DLGAP2: variants seen among roughly 807,000 people sequenced by gnomAD.
The protein encoded by DLGAP2 is disks large-associated protein 2.
Under a neutral mutation model 100.3 loss-of-function variants are expected in DLGAP2, and 26 were observed. The ratio of observed to expected loss-of-function variants is 0.26; its 90% CI spans 0.19 to 0.36. DLGAP2 has a LOEUF of 0.36. DLGAP2 is among the 10% of genes least tolerant of loss of function. DLGAP2 has a pLI of 1.00. For synonymous variants in DLGAP2, 886 were observed against 630.1 expected (o/e 1.41, Z -6.08); for missense variants, 1,858 against 1,453.2 (o/e 1.28, Z -4.53).
At chr8:1,255,226 G>C (rs1359819196) in intron 2 of DLGAP2, among the ~76,000 whole-genome samples, 1 of 81,028 alleles carries the variant, frequency 1.2e-5, no homozygotes, top group African/African-American at 7.7e-5. Flanking sequence ...TCCTGCCTGG[G>C]TGCTGTGTGT....
At position 1,485,260 on chromosome 8, in the gene DLGAP2, C is replaced by G. The variant is rs560637587; in HGVS notation, c.107-16106C>G. On this transcript the variant is annotated intron_variant, in intron 3 of 14. Transcript: ENST00000637795. ...TATAATTTTGATTAGGTTGATTAGCCAGACCCACTCTACGCTGTAAAATGC... is the reference window on the plus strand; with the variant it reads ...TATAATTTTGATTAGGTTGATTAGCGAGACCCACTCTACGCTGTAAAATGC... Among the ~76,000 whole-genome samples the G allele has an allele frequency of 2.6e-5, 4 of 152,274 alleles. No individual in the cohort carries two copies. In the East Asian group the frequency reaches 7.7e-4, roughly 29 times the overall value.
chr8:868,321 G>A (rs1163005091), intron 1 of DLGAP2, among the ~76,000 whole-genome samples: 1 of 152,172 alleles, frequency 6.6e-6, no homozygotes, highest in Non-Finnish European at 1.5e-5. Context: ...TGTTGATCCT[G>A]TTCTTGTATC....
chr8:999,399 T>C (rs1800876948), intron 2 of DLGAP2, among the ~76,000 whole-genome samples: 1 of 152,076 alleles, frequency 6.6e-6, no homozygotes, highest in Admixed American at 6.6e-5. Flanking sequence ...ATCTTCTATG[T>C]CAAGAATTTT....
chr8:1,131,605 G>T (rs938647941), intron 2 of DLGAP2, among the ~76,000 whole-genome samples: 1 of 151,994 alleles, frequency 6.6e-6, no homozygotes, highest in South Asian at 2.1e-4. Flanking sequence ...AGGGGGACAC[G>T]AACACCTGCT....
chr8:1,391,408 C>T (rs1161239529), intron 3 of DLGAP2, among the ~76,000 whole-genome samples: 1 of 152,176 alleles, frequency 6.6e-6, no homozygotes, highest in Non-Finnish European at 1.5e-5. Flanking sequence ...GCGGCTTATC[C>T]AGGGACACCA....
chr8:1,502,268 C>T (rs946556658), intron 4 of DLGAP2, among the ~76,000 whole-genome samples: 9 of 152,158 alleles, frequency 5.9e-5, no homozygotes, highest in African/African-American at 9.7e-5. Flanking sequence ...GGCTGGGTCT[C>T]GGATCATAAG....
chr8:1,567,299 C>T (rs1360770856), intron 6 of DLGAP2, among the ~76,000 whole-genome samples: 2 of 152,208 alleles, frequency 1.3e-5, no homozygotes, highest in South Asian at 2.1e-4. Context: ...TTATCTGAAA[C>T]GTCTTCTGGG....
chr8:1,417,463 C>A (rs1198024169), intron 3 of DLGAP2, among the ~76,000 whole-genome samples: 1 of 152,202 alleles, frequency 6.6e-6, no homozygotes, highest in Non-Finnish European at 1.5e-5. Context: ...TGTTCTCTTA[C>A]TGTGAAGGTT....
intron 4 of DLGAP2, among the ~76,000 whole-genome samples, chr8:1,539,634 C>T (rs571353626): frequency 2.0e-5 from 3 of 151,194 alleles, no homozygotes; most frequent in African/African-American, 4.8e-5. Context: ...GAAGGATGCC[C>T]GCCCTCACCA....
chr8:846,530 T>G (rs1042319621), intron 1 of DLGAP2, among the ~76,000 whole-genome samples: 1 of 152,362 alleles, frequency 6.6e-6, no homozygotes, highest in African/African-American at 2.4e-5. Flanking sequence ...TATCCATTCA[T>G]CTTTTGGCGT....
rs561709477 is a variant in DLGAP2, at chr8:1,497,644, G to C, written c.107-3722G>C. ...ATTTCTCCCATGCTGTCCCAGATGC[G>C]GAAGATGTAAGGAAGAACATGGCTC... On this transcript the variant is annotated intron_variant, in intron 3 of 14. Coordinates refer to ENST00000637795, the MANE Select transcript of DLGAP2 (RefSeq NM_001346810.2). Among the ~76,000 whole-genome samples the C allele has an allele frequency of 1.3e-4, 20 of 152,284 alleles. No homozygotes were observed. The East Asian group carries it at 2.1e-3, about 16-fold the overall frequency.
intron 4 of DLGAP2, among the ~76,000 whole-genome samples, chr8:1,524,577 T>C (rs1800724887): frequency 6.6e-6 from 1 of 152,116 alleles, no homozygotes; most frequent in Non-Finnish European, 1.5e-5. Context: ...AAACCCCATC[T>C]TCTCCTTGTG....
At chr8:1,169,235 A>G (rs1194482242) in intron 2 of DLGAP2, among the ~76,000 whole-genome samples, 2 of 151,992 alleles carry the variant, frequency 1.3e-5, no homozygotes, top group Non-Finnish European at 2.9e-5. Context: ...TGTACTATTG[A>G]TCTATATCTC....
intron 1 of DLGAP2, among the ~76,000 whole-genome samples, chr8:764,195 C>T (rs1821154180): frequency 6.6e-6 from 1 of 152,332 alleles, no homozygotes; most frequent in East Asian, 1.9e-4. Context: ...CTCATCCTGC[C>T]TCATTTTGGC....
intron 1 of DLGAP2, among the ~76,000 whole-genome samples, chr8:880,550 C>T (rs554765044): frequency 4.0e-5 from 6 of 149,546 alleles, no homozygotes; most frequent in Non-Finnish European, 8.9e-5. Flanking sequence ...CCCTTGCCTG[C>T]GACATGGCAT....
At chr8:1,219,313 G>A (rs1263430672) in intron 2 of DLGAP2, among the ~76,000 whole-genome samples, 5 of 152,062 alleles carry the variant, frequency 3.3e-5, no homozygotes, top group African/African-American at 1.2e-4. Flanking sequence ...GTTTGTGAGG[G>A]TTTTTAACAT....
Position 1,526,384 on chromosome 8 carries a change from G to C in DLGAP2, c.173-22242G>C, listed in dbSNP as rs80105149. ...CAGGGGAGGAATTGGGGGCTCAGAGGGTGGGAATGCATGTGGGTCCAAGGG... is the reference window on the plus strand; with the variant it reads ...CAGGGGAGGAATTGGGGGCTCAGAGCGTGGGAATGCATGTGGGTCCAAGGG... On this transcript the variant is annotated intron_variant, in intron 4 of 14. Transcript: ENST00000637795. 4.6e-5 allele frequency among the ~76,000 whole-genome samples: 7 copies of C among 152,112 alleles called. No homozygotes were observed. In the East Asian group the frequency reaches 1.4e-3, roughly 30 times the overall value.
chr8:772,057 A>G (rs867512856), intron 1 of DLGAP2, among the ~76,000 whole-genome samples: 2 of 151,908 alleles, frequency 1.3e-5, no homozygotes, highest in South Asian at 2.1e-4. Flanking sequence ...ATGCACCACT[A>G]TGCCTGGCTA....
intron 1 of DLGAP2, among the ~76,000 whole-genome samples, chr8:906,161 G>A (rs1798375845): frequency 2.0e-5 from 3 of 152,236 alleles, no homozygotes; most frequent in Admixed American, 6.5e-5. Flanking sequence ...ATTTCAGCCG[G>A]GAGGAGACCG....
Sources: allele counts gnomAD v4.1 joint callset (sites outside exome capture counted in the v4.1 genomes callset), GRCh38; gene constraint gnomAD v4.1.1; transcripts MANE v1.5; gene names NCBI Gene and HGNC (gene_info 2026-07-23, HGNC 2026-07-21).